The following MFSD8 variants were observed in gnomAD, a reference collection of about 807,000 sequenced individuals.
MFSD8 encodes major facilitator superfamily domain-containing protein 8.
A neutral mutation model predicts 66.4 loss-of-function variants in MFSD8; 55 were observed. That is an observed-to-expected ratio of 0.83 (90% CI 0.67 to 1.04). The LOEUF (loss-of-function observed/expected upper bound fraction) is 1.04, where lower values mean the gene tolerates loss of function less well. Among genes scored for constraint, MFSD8 ranks in the 50% least tolerant of loss-of-function variants. MFSD8 has a pLI of 0.00. For missense variants in MFSD8, 550 were observed against 627.6 expected (o/e 0.88, Z 1.32); for synonymous variants, 202 against 212.8 (o/e 0.95, Z 0.44).
chr4:127,926,109 T>C (rs1262998258), intron 9 of MFSD8, among the ~76,000 whole-genome samples: 4 of 151,498 alleles, frequency 2.6e-5, no homozygotes, highest in African/African-American at 9.7e-5. Context: ...AGAGGAGGGA[T>C]AGCATTAGGA....
At chr4:127,926,923 T>C (rs1737297107) in intron 9 of MFSD8, among the ~76,000 whole-genome samples, 1 of 152,232 alleles carries the variant, frequency 6.6e-6, no homozygotes, top group Admixed American at 6.5e-5. Context: ...GGTATGATAC[T>C]GTTTCATGAT....
At chr4:127,958,634 A>AAAAAAT (rs1743265951) in intron 1 of MFSD8, among the ~76,000 whole-genome samples, 1 of 152,148 alleles carries the variant, frequency 6.6e-6, no homozygotes, top group Admixed American at 6.5e-5. Context: ...GGAGATAAGA[A>AAAAAAT]AAAAATAAAA....
At chr4:127,936,109 T>C (rs1303096099) in intron 7 of MFSD8, among the ~76,000 whole-genome samples, 6 of 152,042 alleles carry the variant, frequency 3.9e-5, no homozygotes, top group African/African-American at 1.4e-4. Context: ...TTGGATTGTA[T>C]TTATACTTTT....
intron 2 of MFSD8, among the ~76,000 whole-genome samples, chr4:127,956,878 C>CTTAGTAGT (rs1728489456): frequency 6.6e-6 from 1 of 150,944 alleles, no homozygotes; most frequent in Admixed American, 6.6e-5. Flanking sequence ...GTTAGGGACT[C>CTTAGTAGT]TTAGTAGTTG....
chr4:127,958,799 G>C (rs1743289577), intron 1 of MFSD8, among the ~76,000 whole-genome samples: 1 of 152,170 alleles, frequency 6.6e-6, no homozygotes, highest in Admixed American at 6.5e-5. Context: ...TTGTTTGAGT[G>C]ACTGATTTAG....
chr4:127,930,881 G>A, intron 8 of MFSD8, 64 bp from the exon 9 acceptor site: 1 of 1,418,086 alleles, frequency 7.1e-7, no homozygotes, highest in Non-Finnish European at 9.6e-7. Context: ...TTAAAGTGAA[G>A]TGTAAGTTTT....
chr4:127,933,047 A>C lies in MFSD8; in HGVS notation c.801T>G (p.Val267=), dbSNP rs1738426707. 6.2e-7 allele frequency: 1 copy of C among 1,613,890 alleles called. No individual in the cohort carries two copies. Among genetic ancestry groups the C allele is most frequent in the Non-Finnish European group, 8.5e-7 (1 of 1,179,878 alleles). Residue 267 remains valine, a synonymous_variant, in exon 8 of 12, where the codon GTT becomes GTG. Coordinates refer to ENST00000641686, the MANE Select transcript of MFSD8 (RefSeq NM_001371596.2). ...ACAGAACATTGATGGCCACAACAGC[A>C]ACCTGGTCAATATTTCCTTGGGGAA... is the stretch of plus-strand genomic sequence containing the variant. The part of the protein sequence containing the change: ...AQVPQGNIDQ[V]AVVAINVLFF...
At chr4:127,948,446 TGCCCACTTG>T (rs1578937790) in intron 3 of MFSD8, among the ~76,000 whole-genome samples, 1 of 152,214 alleles carries the variant, frequency 6.6e-6, no homozygotes, top group African/African-American at 2.4e-5. Flanking sequence ...TCTTTCAAGT[TGCCCACTTG>T]GCCCTCTTCC....
chr4:127,956,372 T>C (rs976580571), intron 2 of MFSD8, among the ~76,000 whole-genome samples: 5 of 143,734 alleles, frequency 3.5e-5, no homozygotes, highest in African/African-American at 1.3e-4. Context: ...TGGTGGCGGG[T>C]GTCTGTAGTC....
rs1300137848 is a variant in MFSD8, at chr4:127,933,078, G to A, written c.770C>T (p.Ala257Val). Residue 257 changes from alanine to valine, a missense_variant, in exon 8 of 12, where the codon GCT (alanine) becomes GTT (valine). Transcript: ENST00000641686. ...INFEEASTDE[A>V]QVPQGNIDQV... The stretch of plus-strand genomic sequence containing the variant: ...GTCAATATTTCCTTGGGGAACCTGA[G>A]CTTCATCTGTACTTGCTATAGGGAA... 1.1e-5 allele frequency: 17 copies of A among 1,613,512 alleles called. No individual in the cohort carries two copies. Among genetic ancestry groups the A allele is most frequent in the Non-Finnish European group, 1.4e-5 (17 of 1,179,672 alleles).
chr4:127,947,492 C>G (rs1189758670), intron 3 of MFSD8, among the ~76,000 whole-genome samples: 1 of 151,114 alleles, frequency 6.6e-6, no homozygotes, highest in Non-Finnish European at 1.5e-5. Context: ...GCAGGAGAAT[C>G]GCTTGAACCC....
chr4:127,952,175 GT>G (rs1742092907), intron 2 of MFSD8, among the ~76,000 whole-genome samples: 1 of 151,710 alleles, frequency 6.6e-6, no homozygotes. Context: ...GGAGGCCTGG[GT>G]GGGCGGATCA....
intron 3 of MFSD8, 109 bp downstream of exon 3, chr4:127,949,695 G>A (rs1741622023): frequency 2.2e-6 from 2 of 908,130 alleles, no homozygotes; most frequent in Non-Finnish European, 3.5e-6. Context: ...CATTATTCTT[G>A]TAAAGATTAA....
intron 9 of MFSD8, among the ~76,000 whole-genome samples, chr4:127,923,993 C>A (rs1301772691): frequency 6.6e-6 from 1 of 152,048 alleles, no homozygotes; most frequent in Non-Finnish European, 1.5e-5. Context: ...TGATTCTGGC[C>A]TCATAAAATG....
At chr4:127,940,536 A>ATG (rs1315081543) in intron 5 of MFSD8, among the ~76,000 whole-genome samples, 86 of 144,724 alleles carry the variant, frequency 5.9e-4, no homozygotes, top group African/African-American at 2.1e-3. Context: ...ATATATATAT[A>ATG]TATGTGTGTG....
intron 9 of MFSD8, among the ~76,000 whole-genome samples, chr4:127,929,286 G>GCACTC (rs1342476913): frequency 2.6e-5 from 3 of 116,946 alleles, no homozygotes; most frequent in Non-Finnish European, 4.8e-5. Flanking sequence ...TCGTGCCACT[G>GCACTC]CACTCCAGCC....
upstream of MFSD8, chr4:127,965,541 G>C (rs2276899): frequency 0.03 from 8,607 of 283,246 alleles, 609 homozygotes; most frequent in East Asian, 0.28. Context: ...CCTGGAAAGG[G>C]AGCCTGGAGA....
Position 127,942,114 on chromosome 4 carries a change from G to A in MFSD8, c.484C>T (p.Leu162Phe). 1 of 1,614,018 alleles carries A rather than the reference G, an allele frequency of 6.2e-7. No homozygotes were observed. Among genetic ancestry groups the A allele is most frequent in the South Asian group, 1.1e-5 (1 of 91,078 alleles). Residue 162 changes from leucine to phenylalanine, a missense_variant, in exon 5 of 12, where the codon CTT (leucine) becomes TTT (phenylalanine). Coordinates refer to ENST00000641686, the MANE Select transcript of MFSD8 (RefSeq NM_001371596.2). Reference protein sequence around the residue: ...VRSYTAGATSLQERTSSMANI... With the variant: ...VRSYTAGATSFQERTSSMANI... The stretch of plus-strand genomic sequence containing the variant: ...GCCATGGAACTTGTTCTTTCCTGAA[G>A]GGAAGTAGCACCAGCAGTATATGAT...
At chr4:127,945,710 G>C (rs1385772432) in intron 3 of MFSD8, 1 of 151,982 alleles carries the variant, frequency 6.6e-6, no homozygotes, top group Non-Finnish European at 1.5e-5. Context: ...AAAGTATAAT[G>C]ATACATAATA....
Sources: allele counts gnomAD v4.1 joint callset (sites outside exome capture counted in the v4.1 genomes callset), GRCh38; gene constraint gnomAD v4.1.1; transcripts MANE v1.5; gene names NCBI Gene and HGNC (gene_info 2026-07-23, HGNC 2026-07-21).